The following MACROD2 variants were observed in gnomAD, a reference collection of about 807,000 sequenced individuals.
The protein encoded by MACROD2 is mono-ADP ribosylhydrolase 2, also known as ADP-ribose glycohydrolase MACROD2.
A neutral mutation model predicts 70.4 loss-of-function variants in MACROD2; 36 were observed. The observed-to-expected ratio is 0.51, with a 90% CI of 0.39 to 0.68. MACROD2 has a LOEUF of 0.68. MACROD2 is among the 30% of genes least tolerant of loss of function. The pLI is 0.00. For missense variants in MACROD2, 496 were observed against 538.4 expected (o/e 0.92, Z 0.78); for synonymous variants, 172 against 178.8 (o/e 0.96, Z 0.30).
chr20:15,791,331 A>G (rs2063622646), intron 8 of MACROD2, among the ~76,000 whole-genome samples: 1 of 151,966 alleles, frequency 6.6e-6, no homozygotes, highest in Non-Finnish European at 1.5e-5. Flanking sequence ...AAGTTTATCT[A>G]AAGAAAGCTT....
At chr20:14,890,140 G>A (rs763451064) in intron 5 of MACROD2, among the ~76,000 whole-genome samples, 2 of 152,134 alleles carry the variant, frequency 1.3e-5, no homozygotes, top group Non-Finnish European at 2.9e-5. Flanking sequence ...TTGTTGGGGA[G>A]AATGAAGAAT....
chr20:14,228,563 G>T (rs1313701986), intron 3 of MACROD2, among the ~76,000 whole-genome samples: 1 of 151,908 alleles, frequency 6.6e-6, no homozygotes, highest in Non-Finnish European at 1.5e-5. Flanking sequence ...AGACCTAAAT[G>T]GCTATCAATG....
intron 3 of MACROD2, among the ~76,000 whole-genome samples, chr20:14,262,041 A>G (rs1267661156): frequency 6.6e-6 from 1 of 152,188 alleles, no homozygotes; most frequent in Non-Finnish European, 1.5e-5. Flanking sequence ...GGTGATAGAG[A>G]TGCAAGAAAG....
chr20:15,201,781 A>G (rs190628814), intron 5 of MACROD2, among the ~76,000 whole-genome samples: 1,612 of 152,198 alleles, frequency 0.011, 12 homozygotes, highest in South Asian at 0.017. Context: ...ACAATCCACA[A>G]CCCTTTGTGA....
chr20:15,411,153 C>CACAA (rs778292248), intron 6 of MACROD2, among the ~76,000 whole-genome samples: 2 of 134,020 alleles, frequency 1.5e-5, no homozygotes, highest in Non-Finnish European at 3.0e-5. Context: ...TGTATTTACA[C>CACAA]ACACACACAC....
intron 3 of MACROD2, among the ~76,000 whole-genome samples, chr20:14,434,772 G>T (rs558548638): frequency 2.6e-5 from 4 of 151,984 alleles, no homozygotes; most frequent in Non-Finnish European, 5.9e-5. Context: ...CCTTGAAATG[G>T]TTGCCAATAC....
At chr20:15,175,325 G>T (rs12624805) in intron 5 of MACROD2, among the ~76,000 whole-genome samples, 1 of 151,384 alleles carries the variant, frequency 6.6e-6, no homozygotes, top group Non-Finnish European at 1.5e-5. Flanking sequence ...TATACCTAAT[G>T]CTAAATGATG....
chr20:14,751,595 C>A (rs1035311477), intron 5 of MACROD2, among the ~76,000 whole-genome samples: 3 of 152,074 alleles, frequency 2.0e-5, no homozygotes, highest in African/African-American at 7.3e-5. Context: ...CTGCCTAGTT[C>A]TTGTACCTGT....
chr20:15,325,751 G>C (rs1194265494), intron 6 of MACROD2, among the ~76,000 whole-genome samples: 1 of 152,144 alleles, frequency 6.6e-6, no homozygotes, highest in African/African-American at 2.4e-5. Context: ...GGGAACAGGG[G>C]TTCCATTAGC....
intron 8 of MACROD2, among the ~76,000 whole-genome samples, chr20:15,661,934 G>A (rs779960762): frequency 1.4e-4 from 22 of 152,098 alleles, no homozygotes; most frequent in Non-Finnish European, 2.9e-4. Flanking sequence ...AGCCCTTTAC[G>A]ATCTGGTCCT....
At chr20:15,032,586 G>A (rs1415609504) in intron 5 of MACROD2, among the ~76,000 whole-genome samples, 1 of 152,164 alleles carries the variant, frequency 6.6e-6, no homozygotes, top group African/African-American at 2.4e-5. Context: ...TCAATAATTG[G>A]TCAATTTTTG....
chr20:14,275,392 A>T (rs1194418522), intron 3 of MACROD2, among the ~76,000 whole-genome samples: 45 of 152,062 alleles, frequency 3.0e-4, no homozygotes, highest in Non-Finnish European at 6.0e-4. Flanking sequence ...AGGATTCCCT[A>T]TTTAATAAAT....
At chr20:15,985,327 G>A (rs527945594) in intron 13 of MACROD2, among the ~76,000 whole-genome samples, 12 of 152,132 alleles carry the variant, frequency 7.9e-5, no homozygotes, top group African/African-American at 1.4e-4. Flanking sequence ...CCAAAATCAC[G>A]AAATTCAAAA....
At chr20:14,485,572 G>A (rs1343685891) in intron 3 of MACROD2, among the ~76,000 whole-genome samples, 3 of 151,904 alleles carry the variant, frequency 2.0e-5, no homozygotes, top group Middle Eastern at 3.4e-3. Context: ...GTGGTGGCAG[G>A]CACCTGTAGT....
At chr20:15,099,612 A>G (rs540295207) in intron 5 of MACROD2, among the ~76,000 whole-genome samples, 8 of 152,268 alleles carry the variant, frequency 5.3e-5, no homozygotes, top group Non-Finnish European at 4.4e-5. Flanking sequence ...TGAGACAATA[A>G]TCGGTACTGA....
intron 3 of MACROD2, among the ~76,000 whole-genome samples, chr20:14,430,443 C>G (rs2083982505): frequency 6.6e-6 from 1 of 151,988 alleles, no homozygotes; most frequent in Non-Finnish European, 1.5e-5. Flanking sequence ...ATAGTAAATG[C>G]TACATTTAGC....
At chr20:15,139,758 A>G (rs928910297) in intron 5 of MACROD2, among the ~76,000 whole-genome samples, 7 of 152,182 alleles carry the variant, frequency 4.6e-5, no homozygotes, top group African/African-American at 1.7e-4. Context: ...AGATGTGTCA[A>G]TACACCTTGG....
chr20:14,839,252 A>G (rs1263169586), intron 5 of MACROD2, among the ~76,000 whole-genome samples: 1 of 152,068 alleles, frequency 6.6e-6, no homozygotes, highest in African/African-American at 2.4e-5. Flanking sequence ...TTTGTTGTAG[A>G]TTGATTTGCA....
At chr20:15,572,254 G>A (rs956259586) in intron 8 of MACROD2, among the ~76,000 whole-genome samples, 1 of 152,016 alleles carries the variant, frequency 6.6e-6, no homozygotes, top group African/African-American at 2.4e-5. Context: ...GCCCTCATAT[G>A]AATCAGTGTT....
Sources: allele counts gnomAD v4.1 joint callset (sites outside exome capture counted in the v4.1 genomes callset), GRCh38; gene constraint gnomAD v4.1.1; transcripts MANE v1.5; gene names NCBI Gene and HGNC (gene_info 2026-07-23, HGNC 2026-07-21).